The following CHD9 variants were observed in gnomAD, a reference collection of about 807,000 sequenced individuals.
CHD9 encodes chromodomain helicase DNA binding protein 9.
CHD9 carries 77 observed loss-of-function variants against 316.1 expected under a neutral mutation model. The ratio of observed to expected loss-of-function variants is 0.24; its 90% CI spans 0.20 to 0.29. CHD9 has a LOEUF of 0.29. Ranked by LOEUF, CHD9 falls within the 10% of genes least tolerant of loss-of-function variation. CHD9 has a pLI of 1.00. For synonymous variants in CHD9, 1,129 were observed against 1,158.3 expected (o/e 0.97, Z 0.51); for missense variants, 2,763 against 3,438.1 (o/e 0.80, Z 4.91).
At position 53,308,998 on chromosome 16, in the gene CHD9, C is replaced by G. The variant is rs1249516859; in HGVS notation, c.7222+144C>G. ...TAAAGTAATCAATAGAATTTTAAAT[C>G]TTAACAAATATTTTTTGGAACTTTT... is the stretch of plus-strand genomic sequence containing the variant. On this transcript the variant is annotated intron_variant, in intron 34 of 38. Transcript: ENST00000447540. The G allele has an allele frequency of 4.8e-6, 3 of 629,346 alleles. No homozygotes were observed. The African/African-American group carries it at 5.7e-5, about 12-fold the overall frequency. The allele number at this position is 629,346 out of a possible 1,614,324, so 39.0% of individuals were successfully genotyped here. A position where few individuals can be genotyped will look rare whatever the true frequency, so the allele number is the denominator to read the frequency against.
chr16:53,188,602 C>CTTTTTTTTT lies in CHD9; in HGVS notation c.1453-20860_1453-20852dup, dbSNP rs369979479. 5.6e-5 allele frequency among the ~76,000 whole-genome samples: 4 copies of CTTTTTTTTT among 71,250 alleles called. 1 individual carries two copies. The highest frequency in any genetic ancestry group is 8.3e-5 in the Non-Finnish European group (3 of 36,050). The allele number at this position is 71,250 out of a possible 152,430, so 46.7% of individuals were successfully genotyped here. ...TTTTCATGGGCTTACTGGTCATTACCTTTTTTTTTTTTTTTTTTTTTTTTT... is the reference window on the plus strand; with the variant it reads ...TTTTCATGGGCTTACTGGTCATTACCTTTTTTTTTTTTTTTTTTTTTTTTTTTTTTTTTT... On this transcript the variant is annotated intron_variant, in intron 2 of 38. Coordinates refer to ENST00000447540, the MANE Select transcript of CHD9 (RefSeq NM_001308319.2).
chr16:53,227,474 G>T lies in CHD9; in HGVS notation c.2112+10G>T. ...AACCGTAAAAAAGGAAGTAAGTACT[G>T]GTACATTACATTTTACACTTCATAT... On this transcript the variant is annotated intron_variant, in intron 6 of 38. Coordinates refer to ENST00000447540, the MANE Select transcript of CHD9 (RefSeq NM_001308319.2). 1 of 1,526,526 alleles carries T rather than the reference G, an allele frequency of 6.6e-7. No homozygotes were observed. The highest frequency in any genetic ancestry group is 2.4e-5 in the East Asian group (1 of 41,942). 94.6% of individuals were successfully genotyped at this position (1,526,526 alleles called of 1,614,324 possible).
intron 28 of CHD9, among the ~76,000 whole-genome samples, chr16:53,292,156 TCC>T (rs1460596778): frequency 6.6e-6 from 1 of 152,210 alleles, no homozygotes; most frequent in Non-Finnish European, 1.5e-5. Context: ...TGCTTCTACT[TCC>T]TTCTGATATC....
At chr16:53,082,220 ATT>A (rs2035088227) in intron 1 of CHD9, among the ~76,000 whole-genome samples, 1 of 150,062 alleles carries the variant, frequency 6.7e-6, no homozygotes, top group Non-Finnish European at 1.5e-5. Flanking sequence ...TTATTTATTT[ATT>A]TATTTATTTA....
chr16:53,272,530 G>C (rs58495296), intron 22 of CHD9, among the ~76,000 whole-genome samples: 1 of 152,010 alleles, frequency 6.6e-6, no homozygotes, highest in African/African-American at 2.4e-5. Flanking sequence ...AAAATTACAA[G>C]CAAAACAGCT....
intron 10 of CHD9, among the ~76,000 whole-genome samples, chr16:53,232,061 A>G (rs2048222471): frequency 6.6e-6 from 1 of 152,182 alleles, no homozygotes; most frequent in Admixed American, 6.5e-5. Context: ...TCCATAGAAG[A>G]GATCATATTG....
Position 53,082,644 on chromosome 16 carries a change from C to T in CHD9, c.-165+27567C>T, listed in dbSNP as rs529877945. ...CTGCCCTGTTGGTCCCTTACTTGGC[C>T]CCAGAACCCTGGAAACCTTCCCAGG... is the stretch of plus-strand genomic sequence containing the variant. On this transcript the variant is annotated intron_variant, in intron 1 of 38. Transcript: ENST00000447540. 3.9e-5 allele frequency among the ~76,000 whole-genome samples: 6 copies of T among 152,308 alleles called. No homozygotes were observed. In the East Asian group the frequency reaches 9.7e-4, roughly 25 times the overall value.
chr16:53,114,086 TAAAA>T (rs201295051), intron 1 of CHD9, among the ~76,000 whole-genome samples: 2 of 142,586 alleles, frequency 1.4e-5, no homozygotes, highest in East Asian at 4.0e-4. Context: ...GTTTTTTCTT[TAAAA>T]AAAAAAAAAG....
chr16:53,081,067 TC>T (rs1438283830), intron 1 of CHD9, among the ~76,000 whole-genome samples: 1 of 152,150 alleles, frequency 6.6e-6, no homozygotes, highest in Non-Finnish European at 1.5e-5. Flanking sequence ...ACTCCAGTCT[TC>T]CCCCTTTTGC....
At chr16:53,127,608 G>A (rs2039025980) in intron 1 of CHD9, among the ~76,000 whole-genome samples, 2 of 152,022 alleles carry the variant, frequency 1.3e-5, no homozygotes, top group Admixed American at 6.6e-5. Context: ...TAGACTATCT[G>A]TAAAATGGGG....
At chr16:53,116,449 C>T (rs554196343) in intron 1 of CHD9, among the ~76,000 whole-genome samples, 1 of 152,312 alleles carries the variant, frequency 6.6e-6, no homozygotes, top group East Asian at 1.9e-4. Flanking sequence ...GAAGCATCCT[C>T]CAGGAGCCAG....
chr16:53,315,098 C>G (rs2056779069), intron 36 of CHD9, 54 bp downstream of exon 36: 1 of 1,272,600 alleles, frequency 7.9e-7, no homozygotes. Context: ...GTTGTCAGAT[C>G]TATCATGATG....
At chr16:53,140,404 A>G (rs566828797) in intron 1 of CHD9, among the ~76,000 whole-genome samples, 1 of 148,016 alleles carries the variant, frequency 6.8e-6, no homozygotes, top group Non-Finnish European at 1.5e-5. Context: ...GTGACAGAGC[A>G]CAACTCTGTC....
chr16:53,308,757 T>A lies in CHD9; in HGVS notation c.7125T>A (p.Gly2375=). The part of the protein sequence containing the change: ...AQKRPFDGED[G]ALGQQQYLTR... The stretch of plus-strand genomic sequence containing the variant: ...AAAGACCATTTGATGGTGAAGACGG[T>A]GCTCTGGGGCAGCAGCAGTACCTCA... Residue 2375 remains glycine, a synonymous_variant, in exon 34 of 39, where the codon GGT becomes GGA. Coordinates refer to ENST00000447540, the MANE Select transcript of CHD9 (RefSeq NM_001308319.2). 6.2e-7 allele frequency: 1 copy of A among 1,613,602 alleles called. No individual in the cohort carries two copies. The highest frequency in any genetic ancestry group is 1.3e-5 in the African/African-American group (1 of 75,054).
At chr16:53,209,853 T>A in intron 3 of CHD9, 40 bp downstream of exon 3, 1 of 1,348,826 alleles carries the variant, frequency 7.4e-7, no homozygotes, top group Non-Finnish European at 1.0e-6. Flanking sequence ...CTTTCAATGT[T>A]CTGTTAAAGT....
chr16:53,268,328 G>A (rs184510044), intron 22 of CHD9, among the ~76,000 whole-genome samples: 53 of 152,238 alleles, frequency 3.5e-4, no homozygotes, highest in Non-Finnish European at 6.3e-4. Context: ...ATACGTATCT[G>A]TTTGGAATTG....
chr16:53,299,313 C>T (rs1386633013), intron 30 of CHD9: 1 of 155,582 alleles, frequency 6.4e-6, no homozygotes, highest in Admixed American at 6.5e-5. Flanking sequence ...GTCTCACAGC[C>T]ACCCATAATG....
intron 1 of CHD9, among the ~76,000 whole-genome samples, chr16:53,069,137 T>C (rs2033785201): frequency 6.6e-6 from 1 of 152,174 alleles, no homozygotes; most frequent in Admixed American, 6.5e-5. Context: ...CCAGAGTAGC[T>C]GGGATTACAG....
chr16:53,143,689 A>T (rs888985787), intron 1 of CHD9, among the ~76,000 whole-genome samples: 5 of 152,168 alleles, frequency 3.3e-5, no homozygotes, highest in Non-Finnish European at 7.3e-5. Flanking sequence ...GCCCGGCCTC[A>T]TAATGATTTT....
Sources: gnomAD v4.1 joint callset for allele counts (sites outside exome capture counted in the v4.1 genomes callset) on GRCh38, gnomAD v4.1.1 for gene constraint, MANE v1.5 for transcripts, NCBI Gene and HGNC (gene_info 2026-07-23, HGNC 2026-07-21) for gene names.